MEPE: variants seen among roughly 807,000 people sequenced by gnomAD.
MEPE encodes matrix, extracellular phosphoglycoprotein with ASARM motif (bone).
Under a neutral mutation model 7.3 loss-of-function variants are expected in MEPE, and 7 were observed. The ratio of observed to expected loss-of-function variants is 0.95; its 90% confidence interval spans 0.54 to 1.79. The LOEUF (loss-of-function observed/expected upper bound fraction) is 1.79, where lower values mean the gene tolerates loss of function less well. Ranked by LOEUF, MEPE falls within the 40% of genes most tolerant of loss-of-function variation. MEPE has a pLI of 0.00. For missense variants in MEPE, 623 were observed against 628.2 expected, an observed-to-expected ratio of 0.99 and a Z score of 0.09; for synonymous variants, 214 against 213.1, an observed-to-expected ratio of 1.00 and a Z score of -0.04.
In MEPE at chr4:87,826,689, G is replaced by A. The variant is rs145469224; in HGVS notation, c.-13+5218G>A. Among the ~76,000 whole-genome samples the A allele has an allele frequency of 3.0e-3, 454 of 152,134 alleles. 9 individuals are homozygous for A. In the East Asian group the frequency reaches 0.058, roughly 19 times the overall value. On this transcript the variant is annotated intron_variant, in intron 1 of 3. Coordinates refer to the MEPE transcript ENST00000424957. ...ACTTTTTAATAATAGTAATTGTGACGTGTGAGATGGTATCTCATTGTGGTT... is the reference window on the plus strand; with the variant it reads ...ACTTTTTAATAATAGTAATTGTGACATGTGAGATGGTATCTCATTGTGGTT...
At chr4:87,829,171 C>T (rs1722540379), upstream of MEPE, among the ~76,000 whole-genome samples, 1 of 152,042 alleles carries the variant, frequency 6.6e-6, no homozygotes. Flanking sequence ...TTTTTTTCCC[C>T]AGAATTTCTT....
In MEPE at chr4:87,834,788, AT is replaced by A. The variant is rs749410651; in HGVS notation, c.54+22del. ...GCACCAGTAAGTATTTACAAATTCA[AT>A]TATATTTCAGATAATCTCTTGCTCT... On this transcript the variant is annotated intron_variant, in intron 2 of 3. Transcript: ENST00000361056. The A allele has an allele frequency of 1.3e-6, 2 of 1,598,696 alleles. No homozygotes were observed. The highest frequency in any genetic ancestry group is 8.5e-7 in the Non-Finnish European group (1 of 1,169,886).
intron 3 of MEPE, chr4:87,839,772 G>A (rs1722942966): frequency 6.5e-7 from 1 of 1,549,330 alleles, no homozygotes; most frequent in Non-Finnish European, 8.7e-7. Context: ...TCAAACTGAT[G>A]TAAAGGTAAG....
chr4:87,837,030 A>C (rs1722821287), intron 2 of MEPE, among the ~76,000 whole-genome samples: 2 of 152,294 alleles, frequency 1.3e-5, no homozygotes, highest in African/African-American at 4.8e-5. Flanking sequence ...TAAACTTCTG[A>C]GTTTTATATT....
rs772377691 is a variant in MEPE at position 87,845,437 on chromosome 4, A to T, written c.569A>T (p.His190Leu). ...GCAAGTATGAATTATGCTAAAGCAC[A>T]CTCGAAGGATAAAAAGAAGCCTCAA... ...IPASMNYAKA[H>L]SKDKKKPQRD... is the part of the protein sequence containing the mutation. The change falls in exon 4 of 4, where the codon CAC becomes CTC. Residue 190 changes from histidine (H) to leucine (L), a missense_variant. Physicochemically the swap from His to Leu is moderately conservative, Grantham distance 99. Coordinates refer to ENST00000361056, the MANE Select transcript of MEPE (RefSeq NM_020203.6). 4.3e-6 allele frequency: 7 copies of T among 1,613,982 alleles called. No individual in the cohort carries two copies. In the East Asian group the frequency reaches 1.6e-4, roughly 36 times the overall value.
upstream of MEPE, among the ~76,000 whole-genome samples, chr4:87,829,794 C>T (rs897532709): frequency 2.9e-4 from 44 of 151,312 alleles, no homozygotes; most frequent in Admixed American, 2.6e-3. Context: ...GTTGGCTGAA[C>T]ACTCTTTGTT....
chr4:87,834,250 G>T (rs1300311125), intron 1 of MEPE, among the ~76,000 whole-genome samples: 1 of 152,136 alleles, frequency 6.6e-6, no homozygotes, highest in African/African-American at 2.4e-5. Flanking sequence ...CACAGATTAG[G>T]GCACCAGCCC....
chr4:87,829,212 C>T (rs988052221), upstream of MEPE, among the ~76,000 whole-genome samples: 1 of 151,930 alleles, frequency 6.6e-6, no homozygotes, highest in African/African-American at 2.4e-5. Context: ...AATAGGCTCT[C>T]ATTTTTTTTT....
chr4:87,829,015 T>C (rs1347732085), upstream of MEPE, among the ~76,000 whole-genome samples: 1 of 152,162 alleles, frequency 6.6e-6, no homozygotes, highest in African/African-American at 2.4e-5. Flanking sequence ...AGAAATGCCA[T>C]GGCAAAACTC....
At chr4:87,844,332 A>G (rs949801674) in intron 3 of MEPE, among the ~76,000 whole-genome samples, 1 of 152,228 alleles carries the variant, frequency 6.6e-6, no homozygotes, top group African/African-American at 2.4e-5. Context: ...ATGAAGCAGC[A>G]TATTTACAGA....
intron 1 of MEPE, among the ~76,000 whole-genome samples, chr4:87,822,410 C>T (rs13134481): frequency 0.18 from 26,681 of 152,038 alleles, 2,561 homozygotes; most frequent in Non-Finnish European, 0.23. Flanking sequence ...AAGTGGTCCC[C>T]GGGCAGCAGT....
Position 87,823,100 on chromosome 4 carries a change from T to TA in MEPE, c.-13+1636dup, listed in dbSNP as rs564359253. On this transcript the variant is annotated intron_variant, in intron 1 of 3. Transcript: ENST00000424957. ...TGGCCACATAGGAGTGTGGACTGGC[T>TA]AAAAAAAGCTTTTGACGCATCAAAG... Among the ~76,000 whole-genome samples the TA allele has an allele frequency of 5.0e-4, 76 of 152,180 alleles. No individual in the cohort carries two copies. In the South Asian group the frequency reaches 0.015, roughly 30 times the overall value.
intron 2 of MEPE, among the ~76,000 whole-genome samples, chr4:87,836,551 G>A (rs17712558): frequency 1.3e-5 from 2 of 151,772 alleles, no homozygotes; most frequent in Admixed American, 6.6e-5. Flanking sequence ...GTTTGCCCTG[G>A]TTTTATATTT....
At chr4:87,841,565 C>A (rs1723014422) in intron 3 of MEPE, among the ~76,000 whole-genome samples, 2 of 152,030 alleles carry the variant, frequency 1.3e-5, no homozygotes, top group Admixed American at 1.3e-4. Flanking sequence ...AAGTAGAGGG[C>A]ACTTCTAAAA....
chr4:87,845,602 A>C lies in MEPE; in HGVS notation c.734A>C (p.Gln245Pro). The change falls in exon 4 of 4, where the codon CAA becomes CCA. Residue 245 changes from glutamine (Q) to proline (P), a missense_variant. Physicochemically the swap from Gln to Pro is moderately conservative, Grantham distance 76. Transcript: ENST00000361056. ...DFEGSGYTDL[Q>P]ERGDNDISPF... The stretch of plus-strand genomic sequence containing the variant: ...GAAGGCAGCGGTTATACAGATCTTC[A>C]AGAGAGAGGGGACAATGATATATCT... The C allele has an allele frequency of 2.5e-6, 4 of 1,613,612 alleles. No homozygotes were observed. Among genetic ancestry groups the C allele is most frequent in the Non-Finnish European group, 2.5e-6 (3 of 1,179,856 alleles).
Position 87,845,605 on chromosome 4 carries a change from A to G in MEPE, c.737A>G (p.Glu246Gly). 1 of 1,613,716 alleles carries G rather than the reference A, an allele frequency of 6.2e-7. No homozygotes were observed. The highest frequency in any genetic ancestry group is 1.3e-5 in the African/African-American group (1 of 75,022). Reference sequence around the variant, plus strand: ...GGCAGCGGTTATACAGATCTTCAAGAGAGAGGGGACAATGATATATCTCCT... The same window carrying G: ...GGCAGCGGTTATACAGATCTTCAAGGGAGAGGGGACAATGATATATCTCCT... ...FEGSGYTDLQ[E>G]RGDNDISPFS... The change falls in exon 4 of 4, where the codon GAG (glutamate) becomes GGG (glycine). Residue 246 changes from glutamate to glycine, a missense_variant. Coordinates refer to ENST00000361056, the MANE Select transcript of MEPE (RefSeq NM_020203.6).
upstream of MEPE, among the ~76,000 whole-genome samples, chr4:87,829,865 C>CT (rs3037623): frequency 0.49 from 55,049 of 111,744 alleles, 13,383 homozygotes; most frequent in African/African-American, 0.68. Flanking sequence ...CACCCAAATC[C>CT]TTTTTTTTTT....
At chr4:87,835,804 G>A (rs761797257) in intron 2 of MEPE, among the ~76,000 whole-genome samples, 7 of 152,174 alleles carry the variant, frequency 4.6e-5, no homozygotes, top group Non-Finnish European at 7.4e-5. Context: ...GGAAAAATGA[G>A]TCTTGCTGAC....
Position 87,846,448 on chromosome 4 carries a change from C to T in MEPE, c.*2C>T, listed in dbSNP as rs770867648. ...TCAAGTGAGAGCGATGGTGACTAGT[C>T]CACCAGGAGTTCCCAGCGGGGTGAC... On this transcript the variant is annotated 3_prime_UTR_variant, in exon 4 of 4. Transcript: ENST00000361056. The T allele has an allele frequency of 6.2e-7, 1 of 1,608,378 alleles. No individual in the cohort carries two copies. The highest frequency in any genetic ancestry group is 1.7e-5 in the Admixed American group (1 of 59,402).
Sources: allele counts gnomAD v4.1 joint callset (sites outside exome capture counted in the v4.1 genomes callset), GRCh38; gene constraint gnomAD v4.1.1; transcripts MANE v1.5; gene names NCBI Gene and HGNC (gene_info 2026-07-23, HGNC 2026-07-21).